EDN2: variants seen among roughly 807,000 people sequenced by gnomAD.
EDN2 encodes endothelin 2.
Under a neutral mutation model 19.9 loss-of-function variants are expected in EDN2, and 10 were observed. The ratio of observed to expected loss-of-function variants is 0.50; its 90% CI spans 0.31 to 0.85. The LOEUF is 0.85. EDN2 is among the 40% of genes least tolerant of loss of function. The pLI is 0.05. For synonymous variants in EDN2, 84 were observed against 94.9 expected (o/e 0.89, Z 0.67); for missense variants, 222 against 239.3 (o/e 0.93, Z 0.48).
Position 41,484,182 on chromosome 1 carries a change from G to A in EDN2, c.86C>T (p.Thr29Ile). 5 of 1,612,480 alleles carry A rather than the reference G, an allele frequency of 3.1e-6. No homozygotes were observed. Among genetic ancestry groups the A allele is most frequent in the Non-Finnish European group, 3.4e-6 (4 of 1,179,962 alleles). Residue 29 changes from threonine (T) to isoleucine (I), a missense_variant, in exon 2 of 5, where the codon ACC (threonine) becomes ATC (isoleucine). Physicochemically the swap from Thr to Ile is moderately conservative, Grantham distance 89 (BLOSUM62 -1). Transcript: ENST00000372587. ...LHEGKGQAAA[T>I]LEQPASSSHA... Reference sequence around the variant, plus strand: ...AGATGAGGACGCTGGCTGCTCCAGGGTGGCAGCAGCCTGGCCCTTCCCTGC... The same window carrying A: ...AGATGAGGACGCTGGCTGCTCCAGGATGGCAGCAGCCTGGCCCTTCCCTGC...
At chr1:41,479,596 G>T in intron 4 of EDN2, 94 bp from the exon 5 acceptor site, 2 of 1,128,116 alleles carry the variant, frequency 1.8e-6, no homozygotes, top group South Asian at 1.4e-5. Flanking sequence ...TACAGCCCTT[G>T]CCCAGATCCT....
At chr1:41,480,813 C>T (rs542798517) in intron 4 of EDN2, 51 of 600,194 alleles carry the variant, frequency 8.5e-5, no homozygotes, top group East Asian at 8.5e-4. Context: ...ACAGCCTGAA[C>T]GAACAACTGT....
chr1:41,484,464 C>A, intron 1 of EDN2, 74 bp downstream of exon 1: 1 of 1,527,480 alleles, frequency 6.5e-7, no homozygotes, highest in Non-Finnish European at 8.8e-7. Flanking sequence ...TTGGGAGGCA[C>A]TGCAGCCCTA....
At chr1:41,483,238 A>G (rs1221735321) in intron 2 of EDN2, among the ~76,000 whole-genome samples, 1 of 152,246 alleles carries the variant, frequency 6.6e-6, no homozygotes, top group Non-Finnish European at 1.5e-5. Flanking sequence ...CTTTCGAGTG[A>G]CAGAGCTAAT....
chr1:41,479,973 G>GA (rs1644233482), intron 4 of EDN2, among the ~76,000 whole-genome samples: 1 of 152,186 alleles, frequency 6.6e-6, no homozygotes, highest in African/African-American at 2.4e-5. Context: ...ACCTGGCTGG[G>GA]TGGCCACATC....
intron 3 of EDN2, 60 bp from the exon 4 acceptor site, chr1:41,481,253 C>A: frequency 6.8e-7 from 1 of 1,470,742 alleles, no homozygotes; most frequent in Non-Finnish European, 9.4e-7. Context: ...AGCTACCTGG[C>A]TGCAGGCCCA....
chr1:41,484,658 C>T lies in EDN2; in HGVS notation c.-57G>A. On this transcript the variant is annotated 5_prime_UTR_variant, in exon 1 of 5. Transcript: ENST00000372587. ...GCAGGGAGTGCCTGTTGCCAGCGTC[C>T]TGCTATTAAGCTGAGCAGATAGCTC... The T allele has an allele frequency of 1.9e-6, 3 of 1,544,098 alleles. No homozygotes were observed. Among genetic ancestry groups the T allele is most frequent in the Non-Finnish European group, 1.8e-6 (2 of 1,141,478 alleles).
chr1:41,483,854 A>G lies in EDN2; in HGVS notation c.221+193T>C, dbSNP rs533846837. The G allele has an allele frequency of 5.9e-5, 35 of 597,398 alleles. No individual in the cohort carries two copies. In the South Asian group the frequency reaches 6.9e-4, roughly 12 times the overall value. The allele number at this position is 597,398 out of a possible 1,614,324, so 37.0% of individuals were successfully genotyped here. A position where few individuals can be genotyped will look rare whatever the true frequency, so the allele number is the denominator to read the frequency against. ...CCAGGCTGTCTTAAGAATTCTCAGAAGACAGCCCTCTCTATGGCTCAGGTG... is the reference window on the plus strand; with the variant it reads ...CCAGGCTGTCTTAAGAATTCTCAGAGGACAGCCCTCTCTATGGCTCAGGTG... On this transcript the variant is annotated intron_variant, in intron 2 of 4. Transcript: ENST00000372587.
chr1:41,480,260 TG>T (rs933376061), intron 4 of EDN2, among the ~76,000 whole-genome samples: 3 of 152,220 alleles, frequency 2.0e-5, no homozygotes, highest in Admixed American at 6.5e-5. Flanking sequence ...CCTTTTCTCC[TG>T]TTTTTCTGCC....
Position 41,479,429 on chromosome 1 carries a change from A to G in EDN2, c.517T>C (p.Ser173Pro). ...CGACACTATCTCTTCCTCCACCTGG[A>G]ATGTGTGGACCGAGGCTCCCGCATG... The part of the protein sequence containing the change: ...EAMREPRSTH[S>P]RWRKR The change falls in exon 5 of 5, where the codon TCC becomes CCC. Residue 173 changes from serine (S) to proline (P), a missense_variant. Ser to Pro is a moderately conservative substitution (Grantham distance 74). Coordinates refer to ENST00000372587, the MANE Select transcript of EDN2 (RefSeq NM_001956.5). The G allele has an allele frequency of 6.2e-7, 1 of 1,613,832 alleles. No individual in the cohort carries two copies. The highest frequency in any genetic ancestry group is 8.5e-7 in the Non-Finnish European group (1 of 1,179,728).
At chr1:41,482,359 C>A in intron 3 of EDN2, 107 bp downstream of exon 3, 1 of 1,347,518 alleles carries the variant, frequency 7.4e-7, no homozygotes, top group Non-Finnish European at 9.6e-7. Flanking sequence ...GCTTCTCACC[C>A]CCAACTTGCC....
At position 41,482,450 on chromosome 1, in the gene EDN2, C is replaced by T; in HGVS notation, c.344+16G>A. ...TGCAGCTACCCTATGCCCCTGCAGGCTGGGTGCCCACCTACCAGGGCCTTC... is the reference window on the plus strand; with the variant it reads ...TGCAGCTACCCTATGCCCCTGCAGGTTGGGTGCCCACCTACCAGGGCCTTC... On this transcript the variant is annotated intron_variant, in intron 3 of 4. Transcript: ENST00000372587. 6.3e-7 allele frequency: 1 copy of T among 1,595,434 alleles called. No homozygotes were observed. The highest frequency in any genetic ancestry group is 8.5e-7 in the Non-Finnish European group (1 of 1,171,726).
At chr1:41,480,367 C>T (rs947753189) in intron 4 of EDN2, among the ~76,000 whole-genome samples, 5 of 152,166 alleles carry the variant, frequency 3.3e-5, no homozygotes, top group Non-Finnish European at 7.3e-5. Flanking sequence ...GAATGGCAAA[C>T]CCCTCCACAG....
At chr1:41,482,290 T>A (rs986727370) in intron 3 of EDN2, among the ~76,000 whole-genome samples, 176 bp downstream of exon 3, 1 of 152,210 alleles carries the variant, frequency 6.6e-6, no homozygotes, top group Non-Finnish European at 1.5e-5. Flanking sequence ...CATGGGTGAC[T>A]GGTTCCTGCA....
chr1:41,484,413 C>T, intron 1 of EDN2, 125 bp downstream of exon 1: 1 of 1,379,734 alleles, frequency 7.2e-7, no homozygotes, highest in Non-Finnish European at 9.8e-7. Flanking sequence ...CCCCTGCCAC[C>T]ACTGCCGCCA....
chr1:41,479,709 G>T (rs542692656), intron 4 of EDN2, among the ~76,000 whole-genome samples: 13 of 152,310 alleles, frequency 8.5e-5, no homozygotes, highest in Middle Eastern at 3.4e-3. Flanking sequence ...TCTGCACATG[G>T]GGGCTTTGAC....
intron 4 of EDN2, chr1:41,480,779 C>G: frequency 1.9e-6 from 1 of 536,418 alleles, no homozygotes; most frequent in Non-Finnish European, 3.6e-6. Context: ...TGGACCCCAG[C>G]ATGTGTGAGA....
At chr1:41,483,698 CTG>C in intron 2 of EDN2, 1 of 212,700 alleles carries the variant, frequency 4.7e-6, no homozygotes, top group South Asian at 9.8e-5. Context: ...ATGACAGAGA[CTG>C]TGAGCTCCGG....
intron 4 of EDN2, 62 bp from the exon 5 acceptor site, chr1:41,479,564 A>C: frequency 6.9e-7 from 1 of 1,456,864 alleles, no homozygotes; most frequent in Non-Finnish European, 9.6e-7. Context: ...AGAGCTCCCC[A>C]TGAGAGCAGG....
Sources: allele counts gnomAD v4.1 joint callset (sites outside exome capture counted in the v4.1 genomes callset), GRCh38; gene constraint gnomAD v4.1.1; transcripts MANE v1.5; gene names NCBI Gene and HGNC (gene_info 2026-07-23, HGNC 2026-07-21).